The following MMACHC variants were observed in gnomAD, a reference collection of about 807,000 sequenced individuals.
MMACHC encodes the protein cyanocobalamin reductase / alkylcobalamin dealkylase.
A neutral mutation model predicts 17.6 loss-of-function variants in MMACHC; 14 were observed. That is an observed-to-expected ratio of 0.80 (90% CI 0.53 to 1.25). The LOEUF (loss-of-function observed/expected upper bound fraction) is 1.25, where lower values mean the gene tolerates loss of function less well. Ranked by LOEUF, MMACHC falls within the 50% of genes most tolerant of loss-of-function variation. The pLI, the probability that MMACHC is intolerant of heterozygous loss-of-function variation, is 0.00. For synonymous variants in MMACHC, 151 were observed against 142.1 expected, an observed-to-expected ratio of 1.06 and a Z score of -0.45; for missense variants, 392 against 364.5, an observed-to-expected ratio of 1.08 and a Z score of -0.62.
Position 45,509,230 on chromosome 1 carries a change from G to T in MMACHC, c.*15G>T. On this transcript the variant is annotated 3_prime_UTR_variant, in exon 4 of 4. Coordinates refer to ENST00000401061, the MANE Select transcript of MMACHC (RefSeq NM_015506.3). ...CTGGCCCTTGATTTTCTCCCATGTG[G>T]ACCCTGATTTATGGTGGTACTTGCT... 1 of 1,613,914 alleles carries T rather than the reference G, an allele frequency of 6.2e-7. No homozygotes were observed.
In MMACHC at chr1:45,512,069, C is replaced by CTTTTTTTTTTTTTTTTTTTTTTTTT. The variant is rs869087041; in HGVS notation, c.*2857_*2881dup. The CTTTTTTTTTTTTTTTTTTTTTTTTT allele has an allele frequency of 1.5e-5, 1 of 66,904 alleles. No homozygotes were observed. Among genetic ancestry groups the CTTTTTTTTTTTTTTTTTTTTTTTTT allele is most frequent in the Non-Finnish European group, 2.6e-5 (1 of 38,080 alleles). 4.1% of individuals were successfully genotyped at this position (66,904 alleles called of 1,614,324 possible). On this transcript the variant is annotated 3_prime_UTR_variant, in exon 4 of 4. Transcript: ENST00000401061. ...GCAAGGGGACTAATCTCTTATTTTT[C>CTTTTTTTTTTTTTTTTTTTTTTTTT]TTTTTTTTTTTTTTTTTTTTTTTTT...
At position 45,509,226 on chromosome 1, in the gene MMACHC, T is replaced by C. The variant is rs886046369; in HGVS notation, c.*11T>C. ...TCCCCTGGCCCTTGATTTTCTCCCA[T>C]GTGGACCCTGATTTATGGTGGTACT... On this transcript the variant is annotated 3_prime_UTR_variant, in exon 4 of 4. Transcript: ENST00000401061. 23 of 1,613,862 alleles carry C rather than the reference T, an allele frequency of 1.4e-5. No homozygotes were observed. Among genetic ancestry groups the C allele is most frequent in the African/African-American group, 4.0e-5 (3 of 74,864 alleles).
Position 45,508,905 on chromosome 1 carries a change from A to G in MMACHC, c.539A>G (p.His180Arg), listed in dbSNP as rs1392678827. 1.2e-6 allele frequency: 2 copies of G among 1,614,022 alleles called. No individual in the cohort carries two copies. The highest frequency in any genetic ancestry group is 1.3e-5 in the African/African-American group (1 of 74,908). Residue 180 changes from histidine to arginine, a missense_variant, in exon 4 of 4, where the codon CAT (histidine) becomes CGT (arginine). His to Arg is a conservative substitution (Grantham distance 29). Transcript: ENST00000401061. ...EVPDLPPRKP[H>R]DCVPTRADRI... The stretch of plus-strand genomic sequence containing the variant: ...CCAGATCTGCCACCCAGAAAACCTC[A>G]TGACTGTGTACCTACAAGAGCTGAC...
chr1:45,501,062 G>A (rs541660156), intron 1 of MMACHC, among the ~76,000 whole-genome samples: 10 of 152,242 alleles, frequency 6.6e-5, no homozygotes, highest in African/African-American at 2.4e-4. Context: ...AGAGGGCAAA[G>A]CCTAGAAGGT....
In MMACHC at chr1:45,508,827, T is replaced by A. The variant is rs758208320; in HGVS notation, c.461T>A (p.Phe154Tyr). 1 of 1,614,082 alleles carries A rather than the reference T, an allele frequency of 6.2e-7. No individual in the cohort carries two copies. The highest frequency in any genetic ancestry group is 1.1e-5 in the South Asian group (1 of 91,064). The change falls in exon 4 of 4, where the codon TTT (phenylalanine) becomes TAT (tyrosine). Residue 154 changes from phenylalanine (F) to tyrosine (Y), a missense_variant. Coordinates refer to ENST00000401061, the MANE Select transcript of MMACHC (RefSeq NM_015506.3). ...TCAGGTGTGTGCATACACCCCCGAT[T>A]TGGGGGCTGGTTTGCCATCCGAGGG... is the stretch of plus-strand genomic sequence containing the variant. The part of the protein sequence containing the change: ...RISGVCIHPR[F>Y]GGWFAIRGVV...
rs76726101 is a variant in MMACHC at position 45,506,189 on chromosome 1, A to G, written c.82-1167A>G. 6.6e-5 allele frequency among the ~76,000 whole-genome samples: 10 copies of G among 152,340 alleles called. No homozygotes were observed. The South Asian group carries it at 1.9e-3, about 28-fold the overall frequency. ...ATTTGAGGATGAGTTGGACTGTGGC[A>G]TGAACGGCATTGAGGGTTCAGGTGG... On this transcript the variant is annotated intron_variant, in intron 1 of 3. Transcript: ENST00000401061.
intron 1 of MMACHC, among the ~76,000 whole-genome samples, chr1:45,505,686 G>A (rs1213825525): frequency 1.3e-5 from 2 of 151,894 alleles, no homozygotes; most frequent in Admixed American, 6.5e-5. Context: ...GGTGGATCAC[G>A]AGGTCAGGAG....
rs747860045 is a variant in MMACHC at position 45,508,916 on chromosome 1, C to T, written c.550C>T (p.Pro184Ser). 3.1e-6 allele frequency: 5 copies of T among 1,614,178 alleles called. No individual in the cohort carries two copies. The highest frequency in any genetic ancestry group is 3.3e-4 in the Middle Eastern group (2 of 6,062). Residue 184 changes from proline to serine, a missense_variant, in exon 4 of 4, where the codon CCT (proline) becomes TCT (serine). Coordinates refer to ENST00000401061, the MANE Select transcript of MMACHC (RefSeq NM_015506.3). ...LPPRKPHDCV[P>S]TRADRIALLE... The stretch of plus-strand genomic sequence containing the variant: ...ACCCAGAAAACCTCATGACTGTGTA[C>T]CTACAAGAGCTGACCGTATCGCCCT...
chr1:45,507,507 C>G lies in MMACHC; in HGVS notation c.233C>G (p.Pro78Arg), dbSNP rs2149323267. 6.2e-7 allele frequency: 1 copy of G among 1,614,188 alleles called. No individual in the cohort carries two copies. The highest frequency in any genetic ancestry group is 2.2e-5 in the East Asian group (1 of 44,888). ...QSCHLRMLTD[P>R]VDQCVAYHLG... ...TGCCACCTCCGAATGCTGACTGACC[C>G]AGTGGACCAGTGTGTGGCCTACCAT... Residue 78 changes from proline (P) to arginine (R), a missense_variant, in exon 2 of 4, where the codon CCA (proline) becomes CGA (arginine). By Grantham distance (103) the Pro-to-Arg change is moderately radical. Transcript: ENST00000401061.
At chr1:45,506,069 G>C (rs556549245) in intron 1 of MMACHC, among the ~76,000 whole-genome samples, 1 of 152,250 alleles carries the variant, frequency 6.6e-6, no homozygotes, top group African/African-American at 2.4e-5. Flanking sequence ...TGAAGACATA[G>C]CTTGCTGCCA....
intron 3 of MMACHC, 130 bp downstream of exon 3, chr1:45,508,494 G>A: frequency 8.8e-7 from 1 of 1,135,482 alleles, no homozygotes; most frequent in Non-Finnish European, 1.3e-6. Flanking sequence ...GTTCTGGATG[G>A]GAGGCAGTCC....
intron 1 of MMACHC, among the ~76,000 whole-genome samples, chr1:45,505,789 C>T (rs1643611473): frequency 6.6e-6 from 1 of 151,918 alleles, no homozygotes; most frequent in African/African-American, 2.4e-5. Flanking sequence ...GTAGTCCCAG[C>T]TACTCAGGAG....
At chr1:45,508,071 G>A (rs1251419844) in intron 2 of MMACHC, 141 bp from the exon 3 acceptor site, 5 of 1,018,674 alleles carry the variant, frequency 4.9e-6, no homozygotes, top group Non-Finnish European at 7.6e-6. Context: ...TGTCCACACT[G>A]GAGCCTCCCA....
In MMACHC at chr1:45,505,441, C is replaced by T. The variant is rs967823624; in HGVS notation, c.82-1915C>T. On this transcript the variant is annotated intron_variant, in intron 1 of 3. Transcript: ENST00000401061. Reference sequence around the variant, plus strand: ...CCAGCCTGGCGACAGAGTGAGAATCCGTCTCAAAAAATAAAATAAAATAAA... The same window carrying T: ...CCAGCCTGGCGACAGAGTGAGAATCTGTCTCAAAAAATAAAATAAAATAAA... 7.9e-5 allele frequency among the ~76,000 whole-genome samples: 12 copies of T among 151,668 alleles called. No individual in the cohort carries two copies. The East Asian group carries it at 1.2e-3, about 15-fold the overall frequency.
Position 45,507,458 on chromosome 1 carries a change from GC to G in MMACHC, c.187del (p.Leu63SerfsTer13), listed in dbSNP as rs1343936481. 6.2e-7 allele frequency: 1 copy of G among 1,614,126 alleles called. No individual in the cohort carries two copies. The highest frequency in any genetic ancestry group is 1.1e-5 in the South Asian group (1 of 91,072). The stretch of plus-strand genomic sequence containing the variant: ...CAGCACGCCTGCCATGTTTGACCGG[GC>G]CCTCAAGCCCTTCTTGCAGAGCTGC... The part of the protein sequence containing the change: ...VLSTPAMFDR[A>X]LKPFLQSCHL... On this transcript the variant is annotated frameshift_variant, in exon 2 of 4. Coordinates refer to ENST00000401061, the MANE Select transcript of MMACHC (RefSeq NM_015506.3). LOFTEE classifies it high-confidence loss of function.
chr1:45,509,204 C>A lies in MMACHC; in HGVS notation c.838C>A (p.Pro280Thr). ...LSPRVSPPASPGP is the reference protein window; with the variant it reads ...LSPRVSPPASTGP Reference sequence around the variant, plus strand: ...CCCCAGGGTCTCACCACCTGCATCCCCTGGCCCTTGATTTTCTCCCATGTG... The same window carrying A: ...CCCCAGGGTCTCACCACCTGCATCCACTGGCCCTTGATTTTCTCCCATGTG... Residue 280 changes from proline to threonine, a missense_variant, in exon 4 of 4, where the codon CCT becomes ACT. Transcript: ENST00000401061. 1 of 1,614,042 alleles carries A rather than the reference C, an allele frequency of 6.2e-7. No individual in the cohort carries two copies. The highest frequency in any genetic ancestry group is 1.1e-5 in the South Asian group (1 of 91,082).
Position 45,511,930 on chromosome 1 carries a change from G to T in MMACHC, c.*2715G>T, listed in dbSNP as rs190946567. ...TTAAGTAACTGCCATCTACCCCTTGGTAAGCAAAAGGCAGAGTTTGAAATT... is the reference window on the plus strand; with the variant it reads ...TTAAGTAACTGCCATCTACCCCTTGTTAAGCAAAAGGCAGAGTTTGAAATT... On this transcript the variant is annotated 3_prime_UTR_variant, in exon 4 of 4. Coordinates refer to ENST00000401061, the MANE Select transcript of MMACHC (RefSeq NM_015506.3). 1 of 152,194 alleles carries T rather than the reference G, an allele frequency of 6.6e-6. No homozygotes were observed. Among genetic ancestry groups the T allele is most frequent in the Admixed American group, 6.5e-5 (1 of 15,276 alleles). The allele number at this position is 152,194 out of a possible 1,614,324, so 9.4% of individuals were successfully genotyped here. A position where few individuals can be genotyped will look rare whatever the true frequency, so the allele number is the denominator to read the frequency against.
chr1:45,502,146 C>A (rs1351371297), intron 1 of MMACHC, among the ~76,000 whole-genome samples: 1 of 152,172 alleles, frequency 6.6e-6, no homozygotes, highest in South Asian at 2.1e-4. Context: ...TCCTATTGAT[C>A]TCTCCAGCCT....
Position 45,508,943 on chromosome 1 carries a change from C to A in MMACHC, c.577C>A (p.Leu193Ile). ...TACAAGAGCTGACCGTATCGCCCTA[C>A]TCGAAGGCTTCAATTTCCACTGGCG... ...VPTRADRIALLEGFNFHWRDW... is the reference protein window; with the variant it reads ...VPTRADRIALIEGFNFHWRDW... The change falls in exon 4 of 4, where the codon CTC becomes ATC. Residue 193 changes from leucine (L) to isoleucine (I), a missense_variant. Leu to Ile is a conservative substitution (Grantham distance 5). Transcript: ENST00000401061. 6.2e-7 allele frequency: 1 copy of A among 1,614,218 alleles called. No homozygotes were observed. Among genetic ancestry groups the A allele is most frequent in the Non-Finnish European group, 8.5e-7 (1 of 1,180,042 alleles).
Sources: allele counts gnomAD v4.1 joint callset (sites outside exome capture counted in the v4.1 genomes callset), GRCh38; gene constraint gnomAD v4.1.1; transcripts MANE v1.5; gene names NCBI Gene and HGNC (gene_info 2026-07-23, HGNC 2026-07-21).